HEXA: variants seen among roughly 807,000 people sequenced by gnomAD.
HEXA encodes beta-hexosaminidase subunit alpha.
Under a neutral mutation model 73.3 loss-of-function variants are expected in HEXA, and 54 were observed. The observed-to-expected ratio is 0.74, with a 90% CI of 0.59 to 0.92. HEXA has a LOEUF of 0.92. Among genes scored for constraint, HEXA ranks in the 40% least tolerant of loss-of-function variants. HEXA has a pLI of 0.00. For missense variants in HEXA, 649 were observed against 653.0 expected (o/e 0.99, Z 0.07); for synonymous variants, 230 against 246.9 (o/e 0.93, Z 0.64).
At position 72,350,631 on chromosome 15, in the gene HEXA, G is replaced by A. The variant is rs745941151; in HGVS notation, c.692C>T (p.Thr231Ile). ...CACATCCTGTGCTGTGTAGATGTGG[G>A]TGACAGGGTTGTAGGACCCCTGAAA... ...LMRKGSYNPV[T>I]HIYTAQDVKE... Residue 231 changes from threonine to isoleucine, a missense_variant, in exon 7 of 14, where the codon ACC becomes ATC. Transcript: ENST00000268097. The A allele has an allele frequency of 1.9e-6, 3 of 1,614,136 alleles. No individual in the cohort carries two copies. Among genetic ancestry groups the A allele is most frequent in the South Asian group, 1.1e-5 (1 of 91,078 alleles).
At chr15:72,362,465 T>G (rs1252660674) in intron 1 of HEXA, 3 of 455,858 alleles carry the variant, frequency 6.6e-6, no homozygotes, top group Non-Finnish European at 1.3e-5. Flanking sequence ...AGTACATGTT[T>G]GCTGAAAAAA....
In HEXA at chr15:72,341,096, A is replaced by G. The variant is rs2088551068; in HGVS notation, c.*2981T>C. On this transcript the variant is annotated 3_prime_UTR_variant, in exon 14 of 14. Coordinates refer to ENST00000268097, the MANE Select transcript of HEXA (RefSeq NM_000520.6). ...TACAAAAGATATTGACAGAAACTAT[A>G]CAAATCTAGAATTTAGAGTGCTAGG... 2 of 152,140 alleles carry G rather than the reference A, an allele frequency of 1.3e-5. No individual in the cohort carries two copies. The highest frequency in any genetic ancestry group is 2.9e-5 in the Non-Finnish European group (2 of 68,026). 9.4% of individuals were successfully genotyped at this position (152,140 alleles called of 1,614,324 possible). A position where few individuals can be genotyped will look rare whatever the true frequency, so the allele number is the denominator to read the frequency against.
In HEXA at chr15:72,343,856, C is replaced by CT. The variant is rs563352066; in HGVS notation, c.*220dup. The stretch of plus-strand genomic sequence containing the variant: ...TGCCCTTACCCTAACGCCATTCACA[C>CT]TTTTTTTTTTAAACACAGGTAATCC... On this transcript the variant is annotated 3_prime_UTR_variant, in exon 14 of 14. Coordinates refer to ENST00000268097, the MANE Select transcript of HEXA (RefSeq NM_000520.6). 1.9e-3 allele frequency: 891 copies of CT among 459,040 alleles called. No individual in the cohort carries two copies. The highest frequency in any genetic ancestry group is 2.8e-3 in the East Asian group (72 of 25,464). The allele number at this position is 459,040 out of a possible 1,614,324, so 28.4% of individuals were successfully genotyped here.
chr15:72,346,981 G>A (rs1487429997), intron 10 of HEXA, among the ~76,000 whole-genome samples: 1 of 151,800 alleles, frequency 6.6e-6, no homozygotes, highest in African/African-American at 2.4e-5. Flanking sequence ...GTGAGCTGAG[G>A]GAGGCAAGCA....
chr15:72,356,066 A>G, intron 2 of HEXA: 1 of 418,016 alleles, frequency 2.4e-6, no homozygotes, highest in South Asian at 1.8e-5. Context: ...ACTTCCTCCA[A>G]GAATGTGAGG....
intron 1 of HEXA, among the ~76,000 whole-genome samples, chr15:72,375,281 G>C (rs975524133): frequency 2.0e-5 from 3 of 152,126 alleles, no homozygotes; most frequent in African/African-American, 7.2e-5. Flanking sequence ...GTAGAGACGG[G>C]GTTTCACTAT....
chr15:72,350,054 A>G (rs1327115959), intron 7 of HEXA, among the ~76,000 whole-genome samples: 1 of 152,052 alleles, frequency 6.6e-6, no homozygotes, highest in South Asian at 2.1e-4. Context: ...ATGAGCCACC[A>G]CGCCCGGCCA....
At chr15:72,364,498 T>G (rs1322602475) in intron 1 of HEXA, among the ~76,000 whole-genome samples, 1 of 152,194 alleles carries the variant, frequency 6.6e-6, no homozygotes, top group African/African-American at 2.4e-5. Flanking sequence ...TTTCTAAGTT[T>G]TTAGTATTAT....
intron 1 of HEXA, among the ~76,000 whole-genome samples, chr15:72,367,478 ACT>A (rs1380356153): frequency 2.0e-5 from 3 of 151,632 alleles, no homozygotes; most frequent in African/African-American, 7.3e-5. Context: ...TTCAGCCACT[ACT>A]CTCTCTTATC....
chr15:72,346,109 C>A, intron 12 of HEXA, 126 bp downstream of exon 12: 1 of 718,886 alleles, frequency 1.4e-6, no homozygotes. Context: ...GCTCGTTGCA[C>A]GGCCTGCTCT....
chr15:72,345,736 C>G, intron 12 of HEXA, 186 bp from the exon 13 acceptor site: 1 of 810,900 alleles, frequency 1.2e-6, no homozygotes, highest in South Asian at 1.6e-5. Context: ...CTCAGCTCCA[C>G]CTTCATTAAA....
chr15:72,345,995 G>C, intron 12 of HEXA: 2 of 578,550 alleles, frequency 3.5e-6, no homozygotes, highest in Non-Finnish European at 6.2e-6. Flanking sequence ...TTATCTCTCT[G>C]GGAAGTAAGG....
Position 72,351,244 on chromosome 15 carries a change from A to T in HEXA, c.571-10T>A, listed in dbSNP as rs778253689. 6.4e-7 allele frequency: 1 copy of T among 1,560,520 alleles called. No individual in the cohort carries two copies. The highest frequency in any genetic ancestry group is 8.8e-7 in the Non-Finnish European group (1 of 1,131,102). On this transcript the variant is annotated splice_polypyrimidine_tract_variant and intron_variant, in intron 5 of 13. Transcript: ENST00000268097. ...TGTACGCCATGACATCCTGTAGGTT[A>T]AAGTGCACACTGTGAACCCATCACA... is the stretch of plus-strand genomic sequence containing the variant.
Position 72,351,985 on chromosome 15 carries a change from G to A in HEXA, c.571-751C>T, listed in dbSNP as rs2088704747. On this transcript the variant is annotated intron_variant, in intron 5 of 13. Coordinates refer to ENST00000268097, the MANE Select transcript of HEXA (RefSeq NM_000520.6). ...TATTTATTTATTTATTTTTGAGACA[G>A]GGTCTCTGTTGTCCAGGCTGGAGTG... Among the ~76,000 whole-genome samples, 4 of 151,372 alleles carry A rather than the reference G, an allele frequency of 2.6e-5. No homozygotes were observed. The South Asian group carries it at 8.3e-4, about 32-fold the overall frequency.
Position 72,349,152 on chromosome 15 carries a change from A to C in HEXA, c.913T>G (p.Phe305Val). 2 of 1,614,058 alleles carry C rather than the reference A, an allele frequency of 1.2e-6. No homozygotes were observed. Among genetic ancestry groups the C allele is most frequent in the Non-Finnish European group, 1.7e-6 (2 of 1,179,898 alleles). Reference protein sequence around the residue: ...NNTYEFMSTFFLEVSSVFPDF... With the variant: ...NNTYEFMSTFVLEVSSVFPDF... ...GGGAAGACAGAGCTGACTTCTAAGAAGAATGTGCTCATGAACTCATAGGTA... is the reference window on the plus strand; with the variant it reads ...GGGAAGACAGAGCTGACTTCTAAGACGAATGTGCTCATGAACTCATAGGTA... The change falls in exon 8 of 14, where the codon TTC becomes GTC. Residue 305 changes from phenylalanine (F) to valine (V), a missense_variant. Transcript: ENST00000268097.
chr15:72,344,201 T>G, intron 13 of HEXA, 61 bp from the exon 14 acceptor site: 1 of 1,180,596 alleles, frequency 8.5e-7, no homozygotes, highest in Non-Finnish European at 1.3e-6. Flanking sequence ...CAGCAACACT[T>G]TTCACACCAG....
intron 8 of HEXA, 47 bp from the exon 9 acceptor site, chr15:72,348,181 GCCTA>G: frequency 7.5e-7 from 1 of 1,340,792 alleles, no homozygotes; most frequent in Non-Finnish European, 1.1e-6. Context: ...CATCCTGAAA[GCCTA>G]ATGCCTGGGG....
At chr15:72,355,441 G>A in intron 3 of HEXA, 118 bp downstream of exon 3, 1 of 775,040 alleles carries the variant, frequency 1.3e-6, no homozygotes, top group Non-Finnish European at 2.3e-6. Context: ...AGGGAAGATT[G>A]CTTGAGCCTA....
At chr15:72,347,583 C>T (rs2088633044) in intron 10 of HEXA, 103 bp downstream of exon 10, 2 of 950,374 alleles carry the variant, frequency 2.1e-6, no homozygotes, top group African/African-American at 3.2e-5. Context: ...CATTAAAGCC[C>T]AATCCAAACC....
Sources: allele counts gnomAD v4.1 joint callset (sites outside exome capture counted in the v4.1 genomes callset), GRCh38; gene constraint gnomAD v4.1.1; transcripts MANE v1.5; gene names NCBI Gene and HGNC (gene_info 2026-07-23, HGNC 2026-07-21).